MINAR2: variants seen among roughly 807,000 people sequenced by gnomAD.
MINAR2 encodes the protein major intrinsically disordered NOTCH2-binding receptor 1-like.
A neutral mutation model predicts 16.1 loss-of-function variants in MINAR2; 21 were observed. The ratio of observed to expected loss-of-function variants is 1.31; its 90% confidence interval spans 0.93 to 1.88. The LOEUF (loss-of-function observed/expected upper bound fraction) is 1.88, where lower values mean the gene tolerates loss of function less well. Among genes scored for constraint, MINAR2 ranks in the 40% most tolerant of loss-of-function variants. The probability of loss-of-function intolerance (pLI) is 0.00; values close to 1 mark genes in which losing one functional copy is unlikely to be tolerated. For synonymous variants in MINAR2, 86 were observed against 83.0 expected (o/e 1.04, Z -0.20); for missense variants, 259 against 229.8 (o/e 1.13, Z -0.82).
intron 1 of MINAR2, among the ~76,000 whole-genome samples, chr5:129,756,237 T>A (rs1363771242): frequency 1.3e-5 from 2 of 152,082 alleles, no homozygotes; most frequent in African/African-American, 4.8e-5. Flanking sequence ...CAGTATATAT[T>A]TTTAAAATAA....
At chr5:129,763,250 AC>A (rs1450494696) in intron 2 of MINAR2, among the ~76,000 whole-genome samples, 20 of 152,286 alleles carry the variant, frequency 1.3e-4, no homozygotes, top group African/African-American at 4.8e-4. Context: ...ATTCGTCAGC[AC>A]TAACTTCCTG....
chr5:129,757,991 T>G (rs1425325515), intron 1 of MINAR2, among the ~76,000 whole-genome samples: 2 of 151,974 alleles, frequency 1.3e-5, no homozygotes, highest in Non-Finnish European at 2.9e-5. Flanking sequence ...GTACACTTAA[T>G]TTTCTTTGTT....
intron 2 of MINAR2, among the ~76,000 whole-genome samples, chr5:129,763,770 G>A (rs939000973): frequency 2.0e-5 from 3 of 152,252 alleles, no homozygotes; most frequent in East Asian, 1.9e-4. Flanking sequence ...ATCTATCCTC[G>A]CTTTCTATTA....
intron 1 of MINAR2, among the ~76,000 whole-genome samples, chr5:129,752,538 C>A (rs2149544937): frequency 6.6e-6 from 1 of 152,098 alleles, no homozygotes; most frequent in African/African-American, 2.4e-5. Flanking sequence ...CATGTGGACG[C>A]AGGGAGGGGA....
intron 2 of MINAR2, 49 bp downstream of exon 2, chr5:129,760,654 C>A: frequency 7.5e-7 from 1 of 1,331,172 alleles, no homozygotes; most frequent in South Asian, 1.3e-5. Flanking sequence ...GGAGATCAGT[C>A]AAATAATCCT....
In MINAR2 at chr5:129,748,248, G is replaced by T. The variant is rs552070107; in HGVS notation, c.58G>T (p.Val20Leu). ...NHPDKFLQLD[V>L]KSLTRSSALL... ...TCCTGACAAATTCCTGCAGCTTGACGTAAAGTCTTTAACGAGGAGCTCAGC... is the reference window on the plus strand; with the variant it reads ...TCCTGACAAATTCCTGCAGCTTGACTTAAAGTCTTTAACGAGGAGCTCAGC... The change falls in exon 1 of 3, where the codon GTA (valine) becomes TTA (leucine). Residue 20 changes from valine (V) to leucine (L), a missense_variant. Coordinates refer to ENST00000564719, the MANE Select transcript of MINAR2 (RefSeq NM_001257308.2). 17 of 1,535,204 alleles carry T rather than the reference G, an allele frequency of 1.1e-5. No homozygotes were observed. The highest frequency in any genetic ancestry group is 1.2e-5 in the South Asian group (1 of 84,048).
At chr5:129,762,360 C>A (rs67871413) in intron 2 of MINAR2, 1 of 170,082 alleles carries the variant, frequency 5.9e-6, no homozygotes, top group African/African-American at 2.4e-5. Flanking sequence ...AATGGTAACA[C>A]ATTGTTTGCT....
intron 2 of MINAR2, among the ~76,000 whole-genome samples, chr5:129,763,459 A>G (rs73787218): frequency 0.018 from 2,758 of 152,330 alleles, 79 homozygotes; most frequent in African/African-American, 0.062. Context: ...AAGAGTTTAT[A>G]AGCCAGAAAA....
At chr5:129,763,168 G>C (rs1026637779) in intron 2 of MINAR2, among the ~76,000 whole-genome samples, 2 of 152,064 alleles carry the variant, frequency 1.3e-5, no homozygotes, top group African/African-American at 4.8e-5. Flanking sequence ...CCAGTCCTCT[G>C]TTTACACTCT....
chr5:129,757,722 A>C (rs2149545944), intron 1 of MINAR2, among the ~76,000 whole-genome samples: 1 of 152,108 alleles, frequency 6.6e-6, no homozygotes, highest in East Asian at 1.9e-4. Context: ...AAAATTTTCT[A>C]ATAAAAAATG....
At chr5:129,763,083 A>T (rs890952053) in intron 2 of MINAR2, among the ~76,000 whole-genome samples, 1 of 152,194 alleles carries the variant, frequency 6.6e-6, no homozygotes, top group African/African-American at 2.4e-5. Flanking sequence ...TATATGAATT[A>T]TGTTTAGGAA....
At chr5:129,750,397 T>C (rs1757971949) in intron 1 of MINAR2, among the ~76,000 whole-genome samples, 1 of 152,140 alleles carries the variant, frequency 6.6e-6, no homozygotes, top group Admixed American at 6.5e-5. Flanking sequence ...AATTTAAAGC[T>C]CACACTCCAT....
At chr5:129,757,734 G>A (rs1289156966) in intron 1 of MINAR2, among the ~76,000 whole-genome samples, 1 of 151,792 alleles carries the variant, frequency 6.6e-6, no homozygotes, top group African/African-American at 2.4e-5. Context: ...TAAAAAATGT[G>A]TGTTAAACTT....
At chr5:129,751,428 C>T (rs994020292) in intron 1 of MINAR2, among the ~76,000 whole-genome samples, 4 of 152,044 alleles carry the variant, frequency 2.6e-5, no homozygotes, top group Admixed American at 6.6e-5. Flanking sequence ...AGGCTGGCCT[C>T]GAACTCCTGC....
In MINAR2 at chr5:129,748,283, G is replaced by A. The variant is rs187281858; in HGVS notation, c.93G>A (p.Gln31=). Residue 31 remains glutamine (Q), a synonymous_variant, in exon 1 of 3, where the codon CAG becomes CAA. Coordinates refer to ENST00000564719, the MANE Select transcript of MINAR2 (RefSeq NM_001257308.2). ...KSLTRSSALL[Q]ASLVRFPGGN... is the part of the protein sequence containing the mutation. ...TAACGAGGAGCTCAGCCCTCCTTCA[G>A]GCCAGCCTGGTGAGGTTTCCGGGTG... 3.3e-6 allele frequency: 5 copies of A among 1,535,158 alleles called. No homozygotes were observed. The East Asian group carries it at 7.3e-5, about 23-fold the overall frequency.
At position 129,760,398 on chromosome 5, in the gene MINAR2, T is replaced by A. The variant is rs1758117277; in HGVS notation, c.186T>A (p.Ala62=). The change falls in exon 2 of 3, where the codon GCT becomes GCA. Residue 62 remains alanine (A), a synonymous_variant. Transcript: ENST00000564719. Reference sequence around the variant, plus strand: ...CTTAGAGGGAAAAGAAGAATATTGCTGCTCAACGAATTAGGGGATCCAGTG... The same window carrying A: ...CTTAGAGGGAAAAGAAGAATATTGCAGCTCAACGAATTAGGGGATCCAGTG... ...VYSQREKKNI[A]AQRIRGSSAD... The A allele has an allele frequency of 6.5e-7, 1 of 1,535,634 alleles. No homozygotes were observed. The highest frequency in any genetic ancestry group is 1.2e-5 in the South Asian group (1 of 84,038).
chr5:129,752,557 C>A (rs1415064213), intron 1 of MINAR2, among the ~76,000 whole-genome samples: 1 of 152,098 alleles, frequency 6.6e-6, no homozygotes, highest in Admixed American at 6.6e-5. Context: ...GAACATCACA[C>A]ATCAGGACCT....
At chr5:129,750,756 TA>T (rs1330730367) in intron 1 of MINAR2, among the ~76,000 whole-genome samples, 1 of 152,234 alleles carries the variant, frequency 6.6e-6, no homozygotes, top group African/African-American at 2.4e-5. Context: ...CCATTTCCAT[TA>T]TTTTATAAAT....
rs1758121428 is a variant in MINAR2, at chr5:129,760,574, C to T, written c.362C>T (p.Ser121Phe). The change falls in exon 2 of 3, where the codon TCC becomes TTC. Residue 121 changes from serine to phenylalanine, a missense_variant. Physicochemically the swap from Ser to Phe is radical, Grantham distance 155 (BLOSUM62 -2). Coordinates refer to ENST00000564719, the MANE Select transcript of MINAR2 (RefSeq NM_001257308.2). ...ACCATTGAGGAATATGACAAACATT[C>T]CCTGCACACAAACCTCTCTGGACAT... ...SWTIEEYDKH[S>F]LHTNLSGHLK... 1.3e-6 allele frequency: 2 copies of T among 1,535,316 alleles called. No homozygotes were observed.
Sources: gnomAD v4.1 joint callset for allele counts (sites outside exome capture counted in the v4.1 genomes callset) on GRCh38, gnomAD v4.1.1 for gene constraint, MANE v1.5 for transcripts, NCBI Gene and HGNC (gene_info 2026-07-23, HGNC 2026-07-21) for gene names.